The following TENM3 variants were observed in gnomAD, a reference collection of about 807,000 sequenced individuals.
TENM3 encodes the protein teneurin-3.
Under a neutral mutation model 255.1 loss-of-function variants are expected in TENM3, and 63 were observed. The ratio of observed to expected loss-of-function variants is 0.25; its 90% CI spans 0.20 to 0.30. The LOEUF (loss-of-function observed/expected upper bound fraction) is 0.30, where lower values mean the gene tolerates loss of function less well. TENM3 is among the 10% of genes least tolerant of loss of function. The probability of loss-of-function intolerance (pLI) is 1.00; values close to 1 mark genes in which losing one functional copy is unlikely to be tolerated. For missense variants in TENM3, 2,929 were observed against 3,461.1 expected (o/e 0.85, Z 3.86); for synonymous variants, 1,306 against 1,322.3 (o/e 0.99, Z 0.27).
chr4:181,501,289 A>G, the TENM3 span, among the ~76,000 whole-genome samples: 26,058 of 151,988 alleles, frequency 0.17, 2,450 homozygotes, highest in Middle Eastern at 0.23. Flanking sequence ...GCCTTTTGAA[A>G]GTCGATTTTT....
chr4:182,380,284 G>A (rs1767477089), intron 3 of TENM3, among the ~76,000 whole-genome samples: 2 of 39,966 alleles, frequency 5.0e-5, no homozygotes. Context: ...AAAACAAAAA[G>A]CAAAAACAAA....
intron 4 of TENM3, among the ~76,000 whole-genome samples, chr4:182,620,454 C>CA (rs1480790970): frequency 5.9e-5 from 9 of 152,172 alleles, no homozygotes; most frequent in African/African-American, 1.9e-4. Context: ...CCAAAACTAA[C>CA]AGAGTCCTGC....
intron 1 of TENM3, among the ~76,000 whole-genome samples, chr4:182,189,109 T>C (rs1753347750): frequency 6.6e-6 from 1 of 152,174 alleles, no homozygotes; most frequent in Admixed American, 6.5e-5. Flanking sequence ...AATTTTTAAA[T>C]GTATTTTTTG....
chr4:182,228,489 C>T (rs936654788), intron 1 of TENM3, among the ~76,000 whole-genome samples: 6 of 150,966 alleles, frequency 4.0e-5, no homozygotes, highest in Non-Finnish European at 8.8e-5. Flanking sequence ...TTTCCCTTCA[C>T]ATCCCACCCT....
At chr4:182,018,461 CTCTG>C in the TENM3 span, among the ~76,000 whole-genome samples, 1 of 152,146 alleles carries the variant, frequency 6.6e-6, no homozygotes, top group East Asian at 1.9e-4. Context: ...TTCAGAAAGC[CTCTG>C]TCTAACAGTA....
the TENM3 span, among the ~76,000 whole-genome samples, chr4:181,826,734 G>C: frequency 1.3e-5 from 2 of 152,146 alleles, no homozygotes; most frequent in African/African-American, 4.8e-5. Flanking sequence ...AAATACAGCT[G>C]CCTAGGCCAC....
chr4:182,154,237 G>A (rs1750539398), intron 1 of TENM3, among the ~76,000 whole-genome samples: 1 of 151,612 alleles, frequency 6.6e-6, no homozygotes, highest in Admixed American at 6.6e-5. Context: ...GCTAATTTTG[G>A]TGGGAGAGTG....
chr4:181,896,356 C>T, the TENM3 span, among the ~76,000 whole-genome samples: 1 of 152,158 alleles, frequency 6.6e-6, no homozygotes. Flanking sequence ...TGAATAAGCT[C>T]ATCATGATGA....
intron 6 of TENM3, among the ~76,000 whole-genome samples, chr4:182,663,687 A>T (rs1187920455): frequency 6.6e-6 from 1 of 152,176 alleles, no homozygotes; most frequent in Non-Finnish European, 1.5e-5. Flanking sequence ...AGTAAGTGAC[A>T]ATGGGAGGAT....
chr4:182,045,520 T>C, the TENM3 span, among the ~76,000 whole-genome samples: 2 of 152,236 alleles, frequency 1.3e-5, no homozygotes, highest in East Asian at 3.9e-4. Context: ...GGTCATTGCG[T>C]TTTTTTAAGG....
chr4:182,569,280 C>T lies in TENM3; in HGVS notation c.512-31644C>T, dbSNP rs56411542. ...TTAGAAAAGTAGGGTACAGGCCAGG[C>T]GCAGTGGCTCACGCCTGTAATCCCA... On this transcript the variant is annotated intron_variant, in intron 3 of 27. Transcript: ENST00000511685. 2.4e-4 allele frequency among the ~76,000 whole-genome samples: 37 copies of T among 152,206 alleles called. No individual in the cohort carries two copies. The East Asian group carries it at 5.6e-3, about 23-fold the overall frequency.
intron 25 of TENM3, among the ~76,000 whole-genome samples, chr4:182,791,492 AATAC>A (rs1274462740): frequency 6.6e-6 from 1 of 152,202 alleles, no homozygotes; most frequent in Non-Finnish European, 1.5e-5. Flanking sequence ...GTTCACTTTT[AATAC>A]ATTTACTCAT....
chr4:181,572,032 CT>C, the TENM3 span, among the ~76,000 whole-genome samples: 1 of 152,154 alleles, frequency 6.6e-6, no homozygotes, highest in Non-Finnish European at 1.5e-5. Context: ...CATAGTTCAT[CT>C]TATATTTTAT....
intron 7 of TENM3, among the ~76,000 whole-genome samples, chr4:182,675,767 G>T (rs1387678718): frequency 1.3e-5 from 2 of 152,204 alleles, no homozygotes; most frequent in Admixed American, 6.5e-5. Context: ...TTTCAGGTAA[G>T]AATTGTCTAT....
chr4:182,066,978 C>T, the TENM3 span, among the ~76,000 whole-genome samples: 1 of 152,300 alleles, frequency 6.6e-6, no homozygotes, highest in East Asian at 1.9e-4. Context: ...TTTTCAGTGA[C>T]ACTTTGATAT....
At chr4:181,533,237 C>T in the TENM3 span, among the ~76,000 whole-genome samples, 1 of 152,110 alleles carries the variant, frequency 6.6e-6, no homozygotes, top group African/African-American at 2.4e-5. Context: ...CATACTGGGT[C>T]AAAAAGAAGG....
the TENM3 span, among the ~76,000 whole-genome samples, chr4:182,091,567 A>G: frequency 0.051 from 7,759 of 152,284 alleles, 270 homozygotes; most frequent in Middle Eastern, 0.11. Context: ...ATAAACCAGC[A>G]CAATGGTGGT....
upstream of TENM3, among the ~76,000 whole-genome samples, chr4:182,241,013 G>A (rs1411106652): frequency 3.9e-5 from 6 of 152,134 alleles, no homozygotes; most frequent in Admixed American, 3.3e-4. Context: ...ACAGCCTCAA[G>A]GATGCCTGCT....
At chr4:181,716,614 G>T in the TENM3 span, among the ~76,000 whole-genome samples, 1 of 152,122 alleles carries the variant, frequency 6.6e-6, no homozygotes, top group African/African-American at 2.4e-5. Flanking sequence ...TGTGCCTTCA[G>T]TTGGTAATCT....
Sources: gnomAD v4.1 joint callset for allele counts (sites outside exome capture counted in the v4.1 genomes callset) on GRCh38, gnomAD v4.1.1 for gene constraint, MANE v1.5 for transcripts, NCBI Gene and HGNC (gene_info 2026-07-23, HGNC 2026-07-21) for gene names.